The following KIFAP3 variants were observed in gnomAD, a reference collection of about 807,000 sequenced individuals.
The protein encoded by KIFAP3 is kinesin associated protein 3, also known as kinesin-associated protein 3.
KIFAP3 carries 68 observed loss-of-function variants against 106.5 expected under a neutral mutation model. The ratio of observed to expected loss-of-function variants is 0.64; its 90% CI spans 0.53 to 0.78. The LOEUF (loss-of-function observed/expected upper bound fraction) is 0.78, where lower values mean the gene tolerates loss of function less well. Ranked by LOEUF, KIFAP3 falls within the 30% of genes least tolerant of loss-of-function variation. The pLI is 0.00. For missense variants in KIFAP3, 780 were observed against 941.8 expected, an observed-to-expected ratio of 0.83 and a Z score of 2.25; for synonymous variants, 320 against 311.5, an observed-to-expected ratio of 1.03 and a Z score of -0.29.
intron 8 of KIFAP3, among the ~76,000 whole-genome samples, chr1:170,030,963 C>A (rs1485841759): frequency 6.6e-6 from 1 of 151,630 alleles, no homozygotes; most frequent in Non-Finnish European, 1.5e-5. Context: ...ATCAGTTATA[C>A]CTCAATAAAG....
intron 5 of KIFAP3, among the ~76,000 whole-genome samples, chr1:170,035,996 TCGTTCCATTAAAGCAA>T (rs1370842649): frequency 6.6e-6 from 1 of 152,034 alleles, no homozygotes; most frequent in African/African-American, 2.4e-5. Flanking sequence ...AGACTAACAC[TCGTTCCATTAAAGCAA>T]ATTAAAAACC....
intron 9 of KIFAP3, among the ~76,000 whole-genome samples, chr1:170,022,232 A>G (rs1318151588): frequency 6.6e-6 from 1 of 151,950 alleles, no homozygotes; most frequent in African/African-American, 2.4e-5. Context: ...TACAGGCATT[A>G]GTCATCCTGC....
chr1:170,033,420 T>C (rs16862968), intron 7 of KIFAP3, among the ~76,000 whole-genome samples: 14,229 of 151,690 alleles, frequency 0.094, 687 homozygotes, highest in South Asian at 0.13. Context: ...TTCTGCAAAA[T>C]AGGAATAAAG....
At chr1:170,016,276 A>G (rs1668511952) in intron 10 of KIFAP3, among the ~76,000 whole-genome samples, 186 bp downstream of exon 10, 1 of 152,276 alleles carries the variant, frequency 6.6e-6, no homozygotes, top group South Asian at 2.1e-4. Flanking sequence ...ATTTCATTCC[A>G]TAGCACCATG....
chr1:170,031,902 C>T lies in KIFAP3; in HGVS notation c.825G>A (p.Gln275=). ...AATTCATACCTCGTAATAGCTGTTC[C>T]TGTTTTACCACAAGCCCCTGGTACT... The part of the protein sequence containing the change: ...FKKYQGLVVK[Q]EQLLRVALYL... The change falls in exon 8 of 20, where the codon CAG becomes CAA. Residue 275 remains glutamine (Q), a synonymous_variant. Transcript: ENST00000361580. 6.2e-7 allele frequency: 1 copy of T among 1,608,144 alleles called. No individual in the cohort carries two copies. Among genetic ancestry groups the T allele is most frequent in the Non-Finnish European group, 8.5e-7 (1 of 1,175,472 alleles).
intron 1 of KIFAP3, among the ~76,000 whole-genome samples, chr1:170,082,694 C>T (rs114542446): frequency 2.7e-4 from 41 of 152,174 alleles, no homozygotes; most frequent in African/African-American, 9.2e-4. Flanking sequence ...CACAGTTGGC[C>T]GGGCATGGTG....
rs1665970461 is a variant in KIFAP3, at chr1:169,972,443, T to C, written c.1983+70A>G. ...TTTACACTGAATGCATTGTTTAAAA[T>C]AGGTTTACAATGACTTTCTCCCCCA... On this transcript the variant is annotated intron_variant, in intron 17 of 19. Transcript: ENST00000361580. 3.9e-6 allele frequency: 3 copies of C among 779,088 alleles called. No homozygotes were observed. In the South Asian group the frequency reaches 4.7e-5, roughly 12 times the overall value. 48.3% of individuals were successfully genotyped at this position (779,088 alleles called of 1,614,324 possible).
At chr1:169,982,186 T>C (rs1666557685) in intron 14 of KIFAP3, 89 bp from the exon 15 acceptor site, 2 of 1,296,802 alleles carry the variant, frequency 1.5e-6, no homozygotes, top group African/African-American at 1.5e-5. Context: ...ACAGAAAGGA[T>C]ACTGAAAGCT....
chr1:169,962,293 A>G (rs1474636739), intron 17 of KIFAP3, among the ~76,000 whole-genome samples: 1 of 152,200 alleles, frequency 6.6e-6, no homozygotes, highest in Non-Finnish European at 1.5e-5. Flanking sequence ...CTTGTCAGAA[A>G]GAAAGTTCTT....
In KIFAP3 at chr1:169,979,905, T is replaced by C. The variant is rs1666423248; in HGVS notation, c.1799-1722A>G. ...ATCCATCAGTAGTAGAAAGGATAAA[T>C]GGTGGTATGTTTATATAATAAAATA... On this transcript the variant is annotated intron_variant, in intron 15 of 19. Transcript: ENST00000361580. 2.6e-5 allele frequency among the ~76,000 whole-genome samples: 4 copies of C among 152,126 alleles called. No individual in the cohort carries two copies. The South Asian group carries it at 6.2e-4, about 24-fold the overall frequency.
At chr1:170,041,421 C>T (rs1000805447) in intron 3 of KIFAP3, among the ~76,000 whole-genome samples, 9 of 152,254 alleles carry the variant, frequency 5.9e-5, no homozygotes, top group South Asian at 2.1e-4. Flanking sequence ...GCAGGAGGAT[C>T]GCTTGAGCCC....
intron 8 of KIFAP3, among the ~76,000 whole-genome samples, chr1:170,030,146 T>C (rs1669325052): frequency 6.6e-6 from 1 of 151,924 alleles, no homozygotes; most frequent in Admixed American, 6.6e-5. Flanking sequence ...AAAATTCTGC[T>C]CTTAAAAAGA....
chr1:169,960,727 A>G (rs920746535), intron 18 of KIFAP3, among the ~76,000 whole-genome samples: 1 of 152,152 alleles, frequency 6.6e-6, no homozygotes, highest in African/African-American at 2.4e-5. Context: ...AAAAATGAAT[A>G]TTACATTTTT....
intron 19 of KIFAP3, among the ~76,000 whole-genome samples, chr1:169,926,213 A>G (rs1187519582): frequency 6.6e-6 from 1 of 152,202 alleles, no homozygotes; most frequent in East Asian, 1.9e-4. Flanking sequence ...TTTATTACAC[A>G]GCTCTAAAAT....
At chr1:170,085,101 A>T (rs771064600) in exon 1 of KIFAP3, 1 of 152,220 alleles carries the variant, frequency 6.6e-6, no homozygotes, top group Non-Finnish European at 1.5e-5. Context: ...TCCACTGGCT[A>T]TCAATGCCAT....
At position 170,080,160 on chromosome 1, in the gene KIFAP3, A is replaced by G. The variant is rs566174196; in HGVS notation, n.174+4875T>C. On this transcript the variant is annotated intron_variant and non_coding_transcript_variant, in intron 1 of 5. Transcript: ENST00000490550. ...TTGAAAAATAAAATTTATAAACACCATTGATAATACCACCAGAGAGCAATA... is the reference window on the plus strand; with the variant it reads ...TTGAAAAATAAAATTTATAAACACCGTTGATAATACCACCAGAGAGCAATA... Among the ~76,000 whole-genome samples the G allele has an allele frequency of 3.0e-4, 46 of 152,258 alleles. No individual in the cohort carries two copies. In the South Asian group the frequency reaches 8.5e-3, roughly 28 times the overall value.
chr1:170,062,391 T>TA (rs568350670), intron 1 of KIFAP3, among the ~76,000 whole-genome samples: 9,600 of 151,656 alleles, frequency 0.063, 387 homozygotes, highest in Non-Finnish European at 0.095. Flanking sequence ...TTTCATTTTT[T>TA]AAAAAAAACA....
chr1:169,977,668 C>A (rs925719497), intron 16 of KIFAP3, among the ~76,000 whole-genome samples: 8 of 152,012 alleles, frequency 5.3e-5, no homozygotes, highest in African/African-American at 1.9e-4. Context: ...ATGCCTAGGG[C>A]TCAAGATAGG....
At chr1:169,936,724 A>C (rs940689506) in intron 19 of KIFAP3, among the ~76,000 whole-genome samples, 1 of 151,482 alleles carries the variant, frequency 6.6e-6, no homozygotes, top group Non-Finnish European at 1.5e-5. Context: ...TGAATGACAC[A>C]CTCCACATAG....
Sources: gnomAD v4.1 joint callset for allele counts (sites outside exome capture counted in the v4.1 genomes callset) on GRCh38, gnomAD v4.1.1 for gene constraint, MANE v1.5 for transcripts, NCBI Gene and HGNC (gene_info 2026-07-23, HGNC 2026-07-21) for gene names.